Variants in MRPL37 observed in about 807,000 individuals in gnomAD.
The protein encoded by MRPL37 is mitochondrial ribosomal protein L37, also known as large ribosomal subunit protein mL37.
MRPL37 carries 34 observed loss-of-function variants against 44.1 expected under a neutral mutation model. The ratio of observed to expected loss-of-function variants is 0.77; its 90% confidence interval spans 0.59 to 1.03. The LOEUF is 1.03. Ranked by LOEUF, MRPL37 falls within the 50% of genes least tolerant of loss-of-function variation. MRPL37 has a pLI of 0.00. For synonymous variants in MRPL37, 212 were observed against 219.5 expected, an observed-to-expected ratio of 0.97 and a Z score of 0.30; for missense variants, 532 against 543.7, an observed-to-expected ratio of 0.98 and a Z score of 0.21.
chr1:54,209,153 CT>C (rs1412654438), intron 3 of MRPL37, among the ~76,000 whole-genome samples: 1 of 152,184 alleles, frequency 6.6e-6, no homozygotes, highest in Non-Finnish European at 1.5e-5. Flanking sequence ...TGGTGGGCTC[CT>C]TGAGAGGAGA....
chr1:54,224,409 C>T (rs182314083), downstream of MRPL37, among the ~76,000 whole-genome samples: 1 of 152,354 alleles, frequency 6.6e-6, no homozygotes, highest in Admixed American at 6.5e-5. Flanking sequence ...TTAGTCCGTG[C>T]ACGGCACTGT....
In MRPL37 at chr1:54,200,629, T is replaced by C. The variant is rs1246673460; in HGVS notation, c.346+40T>C. 5 of 1,540,778 alleles carry C rather than the reference T, an allele frequency of 3.2e-6. No individual in the cohort carries two copies. In the East Asian group the frequency reaches 6.8e-5, roughly 21 times the overall value. On this transcript the variant is annotated intron_variant, in intron 1 of 6. Transcript: ENST00000360840. ...CGGGCGGCAAGGGACCGTGTTCCTC[T>C]AACCAGCACCGACCCCGACCCTCTG...
intron 1 of MRPL37, 91 bp downstream of exon 1, chr1:54,200,680 C>T (rs1644073622): frequency 5.8e-6 from 8 of 1,376,414 alleles, no homozygotes; most frequent in Non-Finnish European, 7.9e-6. Flanking sequence ...CATTGAAACT[C>T]TGTGGGTCTT....
intron 1 of MRPL37, among the ~76,000 whole-genome samples, chr1:54,204,350 A>T (rs1644105824): frequency 6.6e-6 from 1 of 152,002 alleles, no homozygotes; most frequent in Non-Finnish European, 1.5e-5. Flanking sequence ...CTGCTCAGTC[A>T]TCATGTCGCC....
At chr1:54,219,717 A>C (rs2100519030), downstream of MRPL37, among the ~76,000 whole-genome samples, 1 of 152,374 alleles carries the variant, frequency 6.6e-6, no homozygotes, top group South Asian at 2.1e-4. Context: ...CCTTTTCTCT[A>C]AGGTTAACAG....
downstream of MRPL37, chr1:54,225,170 A>C: frequency 4.1e-6 from 5 of 1,234,390 alleles, no homozygotes; most frequent in Non-Finnish European, 5.1e-6. Flanking sequence ...TTGCAAGACA[A>C]GAAATGGAAA....
intron 6 of MRPL37, 133 bp from the exon 7 acceptor site, chr1:54,218,039 G>A: frequency 1.2e-6 from 1 of 861,280 alleles, no homozygotes; most frequent in Non-Finnish European, 1.9e-6. Context: ...CCCCTTCTTA[G>A]TCCGAGAGAG....
intron 4 of MRPL37, among the ~76,000 whole-genome samples, chr1:54,211,058 C>T (rs1406284434): frequency 6.6e-6 from 1 of 152,160 alleles, no homozygotes; most frequent in African/African-American, 2.4e-5. Flanking sequence ...CACCTCCATG[C>T]CTTGTCACTT....
downstream of MRPL37, among the ~76,000 whole-genome samples, chr1:54,222,302 C>T (rs1455925355): frequency 1.3e-5 from 2 of 152,080 alleles, no homozygotes; most frequent in African/African-American, 2.4e-5. Flanking sequence ...GCCATCTGAG[C>T]TAGGTTCTGA....
intron 1 of MRPL37, among the ~76,000 whole-genome samples, chr1:54,203,077 T>C (rs1434502774): frequency 6.6e-6 from 1 of 152,250 alleles, no homozygotes; most frequent in Non-Finnish European, 1.5e-5. Flanking sequence ...CCCATCCCAC[T>C]GAGAGTAGCT....
chr1:54,203,165 T>C (rs1570137619), intron 1 of MRPL37, among the ~76,000 whole-genome samples: 3 of 152,166 alleles, frequency 2.0e-5, no homozygotes, highest in East Asian at 3.9e-4. Flanking sequence ...TTTTATTTAT[T>C]TATTTATTTT....
rs1644067634 is a variant in MRPL37, at chr1:54,200,272, G to A, written c.29G>A (p.Arg10Gln). The A allele has an allele frequency of 6.3e-7, 1 of 1,599,100 alleles. No homozygotes were observed. The highest frequency in any genetic ancestry group is 1.3e-5 in the African/African-American group (1 of 74,228). The change falls in exon 1 of 7, where the codon CGG (arginine) becomes CAG (glutamine). Residue 10 changes from arginine (R) to glutamine (Q), a missense_variant. Arg to Gln is a conservative substitution (Grantham distance 43). Coordinates refer to ENST00000360840, the MANE Select transcript of MRPL37 (RefSeq NM_016491.4). The stretch of plus-strand genomic sequence containing the variant: ...GCATTGGCGTCCGGGCCCGCAAGGC[G>A]GGCGCTAGCTGGCTCCGGGCAGCTC... MALASGPAR[R>Q]ALAGSGQLGL... is the part of the protein sequence containing the mutation.
At chr1:54,221,644 ATCACACTCCCACACATGCAG>A (rs1348614306), downstream of MRPL37, among the ~76,000 whole-genome samples, 3 of 152,278 alleles carry the variant, frequency 2.0e-5, no homozygotes, top group African/African-American at 7.2e-5. Context: ...ATACAGGCAC[ATCACACTCCCACACATGCAG>A]TCACACTCCC....
intron 3 of MRPL37, among the ~76,000 whole-genome samples, chr1:54,209,039 C>T (rs748574517): frequency 3.4e-4 from 52 of 152,314 alleles, no homozygotes; most frequent in Non-Finnish European, 5.7e-4. Context: ...CATTTTAAGG[C>T]ATTGCTTCTT....
intron 4 of MRPL37, among the ~76,000 whole-genome samples, chr1:54,211,876 T>C (rs1161273438): frequency 6.6e-6 from 1 of 152,198 alleles, no homozygotes; most frequent in Non-Finnish European, 1.5e-5. Context: ...TACCAAGAGT[T>C]ACTCGTAGCC....
At chr1:54,207,680 A>G (rs1442917468) in intron 3 of MRPL37, among the ~76,000 whole-genome samples, 1 of 152,202 alleles carries the variant, frequency 6.6e-6, no homozygotes, top group Admixed American at 6.5e-5. Flanking sequence ...TGGAAAACCC[A>G]AGGTTAAGAG....
downstream of MRPL37, among the ~76,000 whole-genome samples, chr1:54,222,992 A>AGAT (rs1276340390): frequency 1.3e-5 from 2 of 152,206 alleles, no homozygotes; most frequent in African/African-American, 4.8e-5. Flanking sequence ...GCTCAAAGTG[A>AGAT]GATGGTCTTT....
chr1:54,217,117 G>A (rs571057669), intron 6 of MRPL37, among the ~76,000 whole-genome samples: 1 of 152,302 alleles, frequency 6.6e-6, no homozygotes, highest in Admixed American at 6.5e-5. Context: ...GACTGCGAAA[G>A]CGGAGTAGGG....
intron 3 of MRPL37, among the ~76,000 whole-genome samples, chr1:54,209,450 A>AT (rs35454838): frequency 0.15 from 20,292 of 137,686 alleles, 1,555 homozygotes; most frequent in South Asian, 0.29. Context: ...AAAGTCTTTA[A>AT]TTTTTTTTTT....
Sources: gnomAD v4.1 joint callset for allele counts (sites outside exome capture counted in the v4.1 genomes callset) on GRCh38, gnomAD v4.1.1 for gene constraint, MANE v1.5 for transcripts, NCBI Gene and HGNC (gene_info 2026-07-23, HGNC 2026-07-21) for gene names.